The following STARD13 variants were observed in gnomAD, a reference collection of about 807,000 sequenced individuals.
STARD13 encodes stAR-related lipid transfer protein 13.
In STARD13, 62 loss-of-function variants were observed where a neutral mutation model predicts 106.4. That is an observed-to-expected ratio of 0.58 (90% CI 0.48 to 0.72). STARD13 has a LOEUF of 0.72. Among genes scored for constraint, STARD13 ranks in the 30% least tolerant of loss-of-function variants. STARD13 has a pLI of 0.00. For synonymous variants in STARD13, 565 were observed against 553.0 expected, an observed-to-expected ratio of 1.02 and a Z score of -0.31; for missense variants, 1,387 against 1,424.0, an observed-to-expected ratio of 0.97 and a Z score of 0.42.
intron 1 of STARD13, chr13:33,281,627 G>T (rs918099846): frequency 1.3e-5 from 2 of 152,110 alleles, no homozygotes; most frequent in Non-Finnish European, 1.5e-5. Flanking sequence ...ATATACAATG[G>T]AATATTATCC....
At chr13:33,369,867 G>A in the STARD13 span, among the ~76,000 whole-genome samples, 1 of 152,186 alleles carries the variant, frequency 6.6e-6, no homozygotes, top group East Asian at 1.9e-4. Context: ...ATATCGATCA[G>A]TTCATAAGCT....
intron 3 of STARD13, chr13:33,155,669 T>C (rs1881863603): frequency 6.6e-6 from 1 of 152,178 alleles, no homozygotes; most frequent in South Asian, 2.1e-4. Context: ...TCATTTTTTA[T>C]ACAAAATAAT....
intron 1 of STARD13, among the ~76,000 whole-genome samples, chr13:33,184,260 G>A (rs1555244151): frequency 6.6e-6 from 1 of 152,146 alleles, no homozygotes; most frequent in Non-Finnish European, 1.5e-5. Flanking sequence ...TACAGTGTGA[G>A]CTCAGTGAAT....
At chr13:33,423,321 C>G in the STARD13 span, among the ~76,000 whole-genome samples, 1 of 152,198 alleles carries the variant, frequency 6.6e-6, no homozygotes, top group Non-Finnish European at 1.5e-5. Flanking sequence ...GACATTTATG[C>G]AGCCAACAGA....
intron 1 of STARD13, among the ~76,000 whole-genome samples, chr13:33,212,586 C>G (rs1399262942): frequency 6.6e-6 from 1 of 152,146 alleles, no homozygotes; most frequent in East Asian, 1.9e-4. Flanking sequence ...GACTCTGGGA[C>G]TTTCCAGTCT....
At chr13:33,183,634 G>A (rs1885457355) in intron 1 of STARD13, among the ~76,000 whole-genome samples, 1 of 152,184 alleles carries the variant, frequency 6.6e-6, no homozygotes. Flanking sequence ...AAGCTTAGAG[G>A]TCTTCCAAAT....
chr13:33,206,267 A>G (rs1002320982), intron 1 of STARD13, among the ~76,000 whole-genome samples: 3 of 151,972 alleles, frequency 2.0e-5, no homozygotes, highest in Non-Finnish European at 2.9e-5. Flanking sequence ...ATCCCATTTT[A>G]AGTTAGCCTA....
At position 33,293,052 on chromosome 13, in the gene STARD13, T is replaced by C. The variant is rs374152410; in HGVS notation, c.124+57238A>G. On this transcript the variant is annotated intron_variant, in intron 1 of 5. Coordinates refer to the STARD13 transcript ENST00000567873. ...GCTGCAGTGTTGCATGGAGCCTTCCTATGGCTGGCTCTTTCTCAGCCTCCA... is the reference window on the plus strand; with the variant it reads ...GCTGCAGTGTTGCATGGAGCCTTCCCATGGCTGGCTCTTTCTCAGCCTCCA... Among the ~76,000 whole-genome samples, 205 of 152,294 alleles carry C rather than the reference T, an allele frequency of 1.3e-3. 2 individuals carry two copies. The highest frequency in any genetic ancestry group is 4.7e-3 in the African/African-American group (197 of 41,556).
chr13:33,350,715 C>G (rs1002396689), upstream of STARD13: 2 of 1,039,508 alleles, frequency 1.9e-6, no homozygotes, highest in African/African-American at 1.7e-5. Context: ...TCCTCCACTC[C>G]CCTCCCTCCC....
chr13:33,665,754 C>T, the STARD13 span, among the ~76,000 whole-genome samples: 1 of 152,110 alleles, frequency 6.6e-6, no homozygotes, highest in Non-Finnish European at 1.5e-5. Context: ...TCAGAGGCAG[C>T]CATTCGGAAA....
chr13:33,106,886 G>A lies in STARD13; in HGVS notation c.3096C>T (p.Leu1032=). The A allele has an allele frequency of 6.2e-7, 1 of 1,614,162 alleles. No individual in the cohort carries two copies. Among genetic ancestry groups the A allele is most frequent in the Non-Finnish European group, 8.5e-7 (1 of 1,180,004 alleles). Residue 1032 remains leucine, a synonymous_variant, in exon 13 of 14, where the codon CTC becomes CTT. Coordinates refer to ENST00000336934, the MANE Select transcript of STARD13 (RefSeq NM_178006.4). ...LPKGMCTLVS[L]SVEHEEAQLL... is the part of the protein sequence containing the mutation. ...GCTGGGCTTCCTCATGCTCCACGGA[G>A]AGGGACACCAGGGTACACATTCCTT...
chr13:33,644,449 T>C, the STARD13 span, among the ~76,000 whole-genome samples: 3 of 151,722 alleles, frequency 2.0e-5, no homozygotes, highest in Non-Finnish European at 4.4e-5. Context: ...GGAAAATGAA[T>C]TGGGTACTTT....
the STARD13 span, among the ~76,000 whole-genome samples, chr13:33,531,303 T>G: frequency 6.6e-6 from 1 of 152,202 alleles, no homozygotes; most frequent in Non-Finnish European, 1.5e-5. Flanking sequence ...CAGACAAATA[T>G]ACTTATCATG....
chr13:33,502,930 T>C, the STARD13 span, among the ~76,000 whole-genome samples: 3 of 152,228 alleles, frequency 2.0e-5, no homozygotes, highest in Admixed American at 6.5e-5. Flanking sequence ...TCTTTTTCTA[T>C]TGATTGGAAT....
the STARD13 span, among the ~76,000 whole-genome samples, chr13:33,565,614 T>A: frequency 6.7e-6 from 1 of 148,158 alleles, no homozygotes; most frequent in East Asian, 2.0e-4. Flanking sequence ...TGATGGATAA[T>A]TTGGGCCTTC....
chr13:33,509,330 A>T, the STARD13 span, among the ~76,000 whole-genome samples: 1 of 152,174 alleles, frequency 6.6e-6, no homozygotes, highest in Non-Finnish European at 1.5e-5. Context: ...AACAGCAGAT[A>T]ACCATTGGCC....
chr13:33,153,147 T>G (rs1187137934), intron 3 of STARD13, among the ~76,000 whole-genome samples: 1 of 152,194 alleles, frequency 6.6e-6, no homozygotes, highest in Non-Finnish European at 1.5e-5. Context: ...GACAGGCTGT[T>G]TTCTTCCAGG....
chr13:33,602,446 G>A, the STARD13 span, among the ~76,000 whole-genome samples: 2 of 152,298 alleles, frequency 1.3e-5, no homozygotes, highest in South Asian at 2.1e-4. Flanking sequence ...ACTGAAAAAG[G>A]TTCAAAAGCA....
chr13:33,436,569 T>C, the STARD13 span, among the ~76,000 whole-genome samples: 1 of 152,198 alleles, frequency 6.6e-6, no homozygotes, highest in Non-Finnish European at 1.5e-5. Flanking sequence ...AACATTCATT[T>C]CTGTTGTGAA....
Sources: allele counts gnomAD v4.1 joint callset (sites outside exome capture counted in the v4.1 genomes callset), GRCh38; gene constraint gnomAD v4.1.1; transcripts MANE v1.5; gene names NCBI Gene and HGNC (gene_info 2026-07-23, HGNC 2026-07-21).